The following TPTE variants were observed in gnomAD, a reference collection of about 807,000 sequenced individuals.
TPTE encodes the protein putative tyrosine-protein phosphatase TPTE.
TPTE carries 59 observed loss-of-function variants against 84.1 expected under a neutral mutation model. That is an observed-to-expected ratio of 0.70 (90% CI 0.57 to 0.87). The LOEUF is 0.87. TPTE is among the 40% of genes least tolerant of loss of function. TPTE has a pLI of 0.00. For missense variants in TPTE, 382 were observed against 659.6 expected (o/e 0.58, Z 4.61); for synonymous variants, 130 against 223.5 (o/e 0.58, Z 3.73).
At chr21:10,558,540 C>G (rs1185044516) in intron 8 of TPTE, among the ~76,000 whole-genome samples, 1 of 152,234 alleles carries the variant, frequency 6.6e-6, no homozygotes, top group African/African-American at 2.4e-5. Context: ...TGGCCACATG[C>G]ATGTCTTCTT....
intron 1 of TPTE, among the ~76,000 whole-genome samples, chr21:10,522,027 T>G (rs1600841844): frequency 6.6e-6 from 1 of 152,040 alleles, no homozygotes; most frequent in African/African-American, 2.4e-5. Context: ...GGAAATGGCC[T>G]AGGAGCCGGA....
intron 14 of TPTE, among the ~76,000 whole-genome samples, chr21:10,575,378 C>A (rs1374091831): frequency 6.6e-6 from 1 of 152,312 alleles, no homozygotes; most frequent in Non-Finnish European, 1.5e-5. Context: ...AAATGGAGCT[C>A]CTGGTGGGAG....
intron 1 of TPTE, 25 bp downstream of exon 1, chr21:10,521,719 G>C (rs1382842102): frequency 6.5e-6 from 1 of 152,784 alleles, no homozygotes; most frequent in Non-Finnish European, 1.5e-5. Flanking sequence ...TAAGTCCTCC[G>C]GGCGGGGGTA....
At chr21:10,599,696 C>T (rs2075652637) in intron 21 of TPTE, among the ~76,000 whole-genome samples, 1 of 152,312 alleles carries the variant, frequency 6.6e-6, no homozygotes, top group African/African-American at 2.4e-5. Context: ...TATAATAGCC[C>T]TAACGTGTAA....
intron 3 of TPTE, among the ~76,000 whole-genome samples, chr21:10,529,107 C>T (rs2074132405): frequency 1.3e-5 from 2 of 152,298 alleles, no homozygotes; most frequent in Non-Finnish European, 2.9e-5. Flanking sequence ...TCACTTGAAT[C>T]CGGGAAGCAG....
chr21:10,532,272 C>T (rs1275585060), intron 3 of TPTE, among the ~76,000 whole-genome samples: 3 of 152,302 alleles, frequency 2.0e-5, no homozygotes, highest in African/African-American at 7.2e-5. Context: ...AGGAATTTTT[C>T]CATTCCATCT....
intron 21 of TPTE, among the ~76,000 whole-genome samples, chr21:10,600,088 A>T (rs1158840194): frequency 6.6e-6 from 1 of 152,000 alleles, no homozygotes; most frequent in Non-Finnish European, 1.5e-5. Context: ...TATAAACATG[A>T]GCCACGCTGC....
intron 22 of TPTE, among the ~76,000 whole-genome samples, chr21:10,602,572 G>C (rs1236918457): frequency 6.6e-6 from 1 of 152,300 alleles, no homozygotes; most frequent in African/African-American, 2.4e-5. Context: ...ATAGCTAACT[G>C]TAGCTTCAAC....
intron 4 of TPTE, among the ~76,000 whole-genome samples, 199 bp from the exon 5 acceptor site, chr21:10,540,913 C>A (rs1230048680): frequency 2.0e-5 from 3 of 152,310 alleles, no homozygotes; most frequent in African/African-American, 7.2e-5. Flanking sequence ...ATGGTCACAG[C>A]CTAAAATGCT....
intron 10 of TPTE, among the ~76,000 whole-genome samples, chr21:10,562,671 A>C (rs2074832897): frequency 6.6e-6 from 1 of 152,310 alleles, no homozygotes; most frequent in Non-Finnish European, 1.5e-5. Context: ...GATAAACCAG[A>C]AGAAAGAATT....
chr21:10,563,280 G>A (rs1445382861), intron 10 of TPTE, among the ~76,000 whole-genome samples: 3 of 152,306 alleles, frequency 2.0e-5, no homozygotes, highest in African/African-American at 7.2e-5. Flanking sequence ...AGAAAGATAA[G>A]GACATTAATG....
chr21:10,555,240 G>C (rs1175507203), intron 8 of TPTE, among the ~76,000 whole-genome samples: 1 of 152,154 alleles, frequency 6.6e-6, no homozygotes, highest in East Asian at 1.9e-4. Context: ...CCGGAGTCTC[G>C]CTCTGTCACC....
At chr21:10,576,741 GATGT>G (rs1375741561) in intron 14 of TPTE, among the ~76,000 whole-genome samples, 1 of 152,290 alleles carries the variant, frequency 6.6e-6, no homozygotes, top group Non-Finnish European at 1.5e-5. Flanking sequence ...GTTTCAGAAA[GATGT>G]ATTTACTGAA....
chr21:10,557,235 G>A (rs1447749586), intron 8 of TPTE, among the ~76,000 whole-genome samples: 2 of 152,312 alleles, frequency 1.3e-5, no homozygotes, highest in African/African-American at 2.4e-5. Context: ...GCTCCCGAGT[G>A]TGAACAGTAC....
intron 3 of TPTE, among the ~76,000 whole-genome samples, chr21:10,530,997 G>C (rs1360631523): frequency 6.6e-6 from 1 of 152,300 alleles, no homozygotes; most frequent in East Asian, 1.9e-4. Context: ...TTTTCCACTA[G>C]TGTTCCTATC....
rs551498471 is a variant in TPTE, at chr21:10,526,849, G to A, written c.-101-506G>A. On this transcript the variant is annotated intron_variant, in intron 2 of 23. Coordinates refer to ENST00000618007, the MANE Select transcript of TPTE (RefSeq NM_199261.4). Reference sequence around the variant, plus strand: ...GCATGTGTCTTAACTTACAGATGAGGAAATGAAGTAGCAGAGAGATTAAAT... The same window carrying A: ...GCATGTGTCTTAACTTACAGATGAGAAAATGAAGTAGCAGAGAGATTAAAT... Among the ~76,000 whole-genome samples the A allele has an allele frequency of 2.0e-5, 3 of 152,424 alleles. No homozygotes were observed. The East Asian group carries it at 5.8e-4, about 29-fold the overall frequency.
At chr21:10,562,293 A>T (rs1391806433) in intron 10 of TPTE, among the ~76,000 whole-genome samples, 1 of 151,778 alleles carries the variant, frequency 6.6e-6, no homozygotes, top group Non-Finnish European at 1.5e-5. Flanking sequence ...GACAGTGAAA[A>T]CTACAATAAA....
chr21:10,584,337 CTTT>C (rs58211728), intron 17 of TPTE, among the ~76,000 whole-genome samples: 4,268 of 139,292 alleles, frequency 0.031, no homozygotes, highest in South Asian at 0.062. Flanking sequence ...CCTAAACTCA[CTTT>C]TTTTTTTTTT....
At chr21:10,603,055 T>C (rs2145811074) in intron 22 of TPTE, among the ~76,000 whole-genome samples, 1 of 152,430 alleles carries the variant, frequency 6.6e-6, no homozygotes, top group African/African-American at 2.4e-5. Flanking sequence ...GAAGTGGTCA[T>C]CATGAGAAGG....
Sources: gnomAD v4.1 joint callset for allele counts (sites outside exome capture counted in the v4.1 genomes callset) on GRCh38, gnomAD v4.1.1 for gene constraint, MANE v1.5 for transcripts, NCBI Gene and HGNC (gene_info 2026-07-23, HGNC 2026-07-21) for gene names.